PTP4A2: variants seen among roughly 807,000 people sequenced by gnomAD.
PTP4A2 encodes the protein protein tyrosine phosphatase type IVA 2.
A neutral mutation model predicts 22.9 loss-of-function variants in PTP4A2; 2 were observed. The observed-to-expected ratio is 0.09, with a 90% CI of 0.04 to 0.27. The LOEUF (loss-of-function observed/expected upper bound fraction) is 0.27, where lower values mean the gene tolerates loss of function less well. PTP4A2 is among the 10% of genes least tolerant of loss of function. PTP4A2 has a pLI of 1.00. For synonymous variants in PTP4A2, 68 were observed against 69.1 expected, an observed-to-expected ratio of 0.98 and a Z score of 0.08; for missense variants, 103 against 205.1, an observed-to-expected ratio of 0.50 and a Z score of 3.04.
intron 1 of PTP4A2, among the ~76,000 whole-genome samples, chr1:31,930,358 C>T (rs1430222919): frequency 6.6e-6 from 1 of 151,920 alleles, no homozygotes; most frequent in Non-Finnish European, 1.5e-5. Flanking sequence ...TAAAAAATAC[C>T]ATATCTCAGA....
intron 1 of PTP4A2, among the ~76,000 whole-genome samples, chr1:31,934,603 C>T (rs1202866238): frequency 6.6e-6 from 1 of 152,108 alleles, no homozygotes; most frequent in Non-Finnish European, 1.5e-5. Flanking sequence ...TAAAGTGTTC[C>T]TTAATTACTG....
chr1:31,923,944 G>T (rs1652327212), intron 1 of PTP4A2: 1 of 152,186 alleles, frequency 6.6e-6, no homozygotes, highest in Non-Finnish European at 1.5e-5. Context: ...AGACTGGGTG[G>T]AGTTTATTAA....
intron 4 of PTP4A2, chr1:31,911,059 C>T (rs1416013726): frequency 6.6e-6 from 1 of 152,204 alleles, no homozygotes; most frequent in African/African-American, 2.4e-5. Flanking sequence ...AGGACTAAAA[C>T]TTCTAACCTT....
intron 1 of PTP4A2, among the ~76,000 whole-genome samples, chr1:31,923,402 T>G (rs1652292406): frequency 1.4e-5 from 2 of 142,886 alleles, no homozygotes; most frequent in South Asian, 4.7e-4. Flanking sequence ...TGGCGCGATC[T>G]CGGCTCACTG....
intron 1 of PTP4A2, among the ~76,000 whole-genome samples, chr1:31,930,210 C>T (rs375862294): frequency 2.7e-5 from 4 of 150,664 alleles, no homozygotes; most frequent in African/African-American, 5.0e-5. Flanking sequence ...AGGTGGCGGG[C>T]GCCTGTAGTT....
In PTP4A2 at chr1:31,914,255, C is replaced by G. The variant is rs1359384359; in HGVS notation, c.189+1640G>C. The G allele has an allele frequency of 2.4e-5, 11 of 455,614 alleles. No homozygotes were observed. In the Admixed American group the frequency reaches 2.6e-4, roughly 11 times the overall value. The allele number at this position is 455,614 out of a possible 1,614,324, so 28.2% of individuals were successfully genotyped here. A position where few individuals can be genotyped will look rare whatever the true frequency, so the allele number is the denominator to read the frequency against. On this transcript the variant is annotated intron_variant, in intron 3 of 5. Coordinates refer to ENST00000647444, the MANE Select transcript of PTP4A2 (RefSeq NM_080391.4). ...CTAATTTTTGTATTTTTCGGAGAGACAGGGTTTCACCATGTTGCCCCACTA... is the reference window on the plus strand; with the variant it reads ...CTAATTTTTGTATTTTTCGGAGAGAGAGGGTTTCACCATGTTGCCCCACTA...
chr1:31,926,125 T>G (rs1652442766), intron 1 of PTP4A2, among the ~76,000 whole-genome samples: 1 of 129,564 alleles, frequency 7.7e-6, no homozygotes, highest in African/African-American at 3.0e-5. Context: ...TAGATTCCGT[T>G]TCAAAAAATT....
In PTP4A2 at chr1:31,919,465, G is replaced by GC. The variant is rs1652028153; in HGVS notation, c.-401dup. 1 of 149,950 alleles carries GC rather than the reference G, an allele frequency of 6.7e-6. No homozygotes were observed. The highest frequency in any genetic ancestry group is 6.7e-5 in the Admixed American group (1 of 14,952). The allele number at this position is 149,950 out of a possible 1,614,324, so 9.3% of individuals were successfully genotyped here. On this transcript the variant is annotated 5_prime_UTR_variant, in exon 2 of 6. Transcript: ENST00000647444. ...TGGAGTCATTAAAAGAAATATGCTT[G>GC]CAATTAAAAAAAAAAAAAGCCAACT...
Position 31,908,864 on chromosome 1 carries a change from G to A in PTP4A2, c.492C>T (p.Cys164=). Residue 164 remains cysteine (C), a synonymous_variant, in exon 6 of 6, where the codon TGC becomes TGT. Transcript: ENST00000647444. ...TTTACATTTCCTTCTACTGAACACA[G>A]CAATGCCCATTGGTATCTCTGAAGC... The part of the protein sequence containing the change: ...RLRFRDTNGH[C]CVQ 6.2e-7 allele frequency: 1 copy of A among 1,611,314 alleles called. No individual in the cohort carries two copies. Among genetic ancestry groups the A allele is most frequent in the Non-Finnish European group, 8.5e-7 (1 of 1,178,118 alleles).
intron 1 of PTP4A2, among the ~76,000 whole-genome samples, chr1:31,921,037 G>A (rs1459869220): frequency 2.0e-5 from 3 of 152,022 alleles, no homozygotes; most frequent in African/African-American, 4.8e-5. Context: ...AACTCATAAG[G>A]CACTCTCAAA....
intron 1 of PTP4A2, among the ~76,000 whole-genome samples, chr1:31,930,002 T>C (rs986268259): frequency 3.3e-5 from 5 of 152,192 alleles, no homozygotes; most frequent in African/African-American, 9.6e-5. Context: ...AGGAGTAGCA[T>C]GCAAAGCAAA....
rs1651273301 is a variant in PTP4A2, at chr1:31,908,099, A to G, written c.*753T>C. The G allele has an allele frequency of 9.4e-6, 1 of 106,430 alleles. No homozygotes were observed. The highest frequency in any genetic ancestry group is 2.2e-4 in the East Asian group (1 of 4,456). 6.6% of individuals were successfully genotyped at this position (106,430 alleles called of 1,614,324 possible). A position where few individuals can be genotyped will look rare whatever the true frequency, so the allele number is the denominator to read the frequency against. ...AACACCCTTTCATCAGTAAAGACTA[A>G]AAACCACCTGGAAAATATATATATA... On this transcript the variant is annotated 3_prime_UTR_variant, in exon 6 of 6. Transcript: ENST00000647444.
At chr1:31,933,399 A>G (rs1290310278) in intron 1 of PTP4A2, among the ~76,000 whole-genome samples, 2 of 150,346 alleles carry the variant, frequency 1.3e-5, no homozygotes, top group South Asian at 2.1e-4. Context: ...CCCTAAAAGG[A>G]AAAAAAAAAT....
chr1:31,912,458 T>C (rs1470308544), intron 3 of PTP4A2, among the ~76,000 whole-genome samples: 1 of 152,340 alleles, frequency 6.6e-6, no homozygotes, highest in South Asian at 2.1e-4. Flanking sequence ...CAGGGCTGCA[T>C]GACAGGGTCC....
chr1:31,928,363 G>A (rs1411750712), intron 1 of PTP4A2, among the ~76,000 whole-genome samples: 1 of 151,290 alleles, frequency 6.6e-6, no homozygotes, highest in African/African-American at 2.4e-5. Context: ...GATCCAAAAT[G>A]TCAGTGAATA....
chr1:31,915,580 C>G (rs1437635266), intron 3 of PTP4A2: 1 of 187,286 alleles, frequency 5.3e-6, no homozygotes, highest in Non-Finnish European at 1.1e-5. Context: ...CCCTCTGTCA[C>G]CCAGGCTGGA....
intron 3 of PTP4A2, among the ~76,000 whole-genome samples, chr1:31,914,851 T>C (rs1651741261): frequency 6.6e-6 from 1 of 152,252 alleles, no homozygotes; most frequent in Non-Finnish European, 1.5e-5. Flanking sequence ...AATCACTTTG[T>C]GCTCAAATTG....
At chr1:31,930,427 T>C (rs1652676499) in intron 1 of PTP4A2, among the ~76,000 whole-genome samples, 1 of 152,210 alleles carries the variant, frequency 6.6e-6, no homozygotes, top group Non-Finnish European at 1.5e-5. Flanking sequence ...TCAAATGTAT[T>C]GAGCGTATTT....
chr1:31,923,459 C>G (rs987650374), intron 1 of PTP4A2, among the ~76,000 whole-genome samples: 1 of 151,206 alleles, frequency 6.6e-6, no homozygotes, highest in Non-Finnish European at 1.5e-5. Context: ...CTCAGCCTCC[C>G]GAGTAGCTGG....
Sources: gnomAD v4.1 joint callset for allele counts (sites outside exome capture counted in the v4.1 genomes callset) on GRCh38, gnomAD v4.1.1 for gene constraint, MANE v1.5 for transcripts, NCBI Gene and HGNC (gene_info 2026-07-23, HGNC 2026-07-21) for gene names.